Variants in CYB5R3 observed in about 807,000 individuals in gnomAD.
CYB5R3 encodes cytochrome b5 reductase 3.
Under a neutral mutation model 36.5 loss-of-function variants are expected in CYB5R3, and 28 were observed. That is an observed-to-expected ratio of 0.77 (90% CI 0.57 to 1.05). CYB5R3 has a LOEUF of 1.05. Among genes scored for constraint, CYB5R3 ranks in the 50% least tolerant of loss-of-function variants. The pLI is 0.00. For synonymous variants in CYB5R3, 181 were observed against 159.8 expected, an observed-to-expected ratio of 1.13 and a Z score of -1.00; for missense variants, 474 against 408.9, an observed-to-expected ratio of 1.16 and a Z score of -1.37.
In CYB5R3 at chr22:42,627,379, C is replaced by G; in HGVS notation, c.558G>C (p.Pro186=). 1 of 1,613,704 alleles carries G rather than the reference C, an allele frequency of 6.2e-7. No homozygotes were observed. Among genetic ancestry groups the G allele is most frequent in the Non-Finnish European group, 8.5e-7 (1 of 1,179,922 alleles). The change falls in exon 7 of 9, where the codon CCG becomes CCC. Residue 186 remains proline (P), a synonymous_variant. Coordinates refer to ENST00000352397, the MANE Select transcript of CYB5R3 (RefSeq NM_000398.7). The part of the protein sequence containing the change: ...GMIAGGTGIT[P]MLQVIRAIMK... ...TGATGGCGCGGATCACCTGCAGCAT[C>G]GGGGTGATGCCTGCAAAATAGCCGG...
intron 8 of CYB5R3, among the ~76,000 whole-genome samples, chr22:42,621,183 AGTGTGTGTGT>A (rs61564405): frequency 0.04 from 5,861 of 147,812 alleles, 112 homozygotes; most frequent in Non-Finnish European, 0.05. Context: ...ATTTCTTTTT[AGTGTGTGTGT>A]GTGTGTGTGT....
intron 3 of CYB5R3, 135 bp from the exon 4 acceptor site, chr22:42,631,123 ACCCC>A: frequency 1.2e-6 from 1 of 868,630 alleles, no homozygotes; most frequent in South Asian, 1.5e-5. Context: ...GCCCCCTCCC[ACCCC>A]TCCCGGGGAT....
At position 42,619,476 on chromosome 22, in the gene CYB5R3, A is replaced by C; in HGVS notation, c.*297T>G. ...GGCTGCTGGCAGCCCTCAGCCTTAT[A>C]GTGTGTGTGGGGGGTGGACGAGGGG... On this transcript the variant is annotated 3_prime_UTR_variant, in exon 9 of 9. Coordinates refer to ENST00000352397, the MANE Select transcript of CYB5R3 (RefSeq NM_000398.7). 1 of 465,040 alleles carries C rather than the reference A, an allele frequency of 2.2e-6. No homozygotes were observed. The allele number at this position is 465,040 out of a possible 1,614,324, so 28.8% of individuals were successfully genotyped here.
At chr22:42,646,520 A>C (rs1419074404) in intron 1 of CYB5R3, 3 of 378,146 alleles carry the variant, frequency 7.9e-6, no homozygotes, top group Non-Finnish European at 1.1e-5. Context: ...CACTCTGCCC[A>C]GGCCAGGTTA....
chr22:42,619,757 TG>T lies in CYB5R3; in HGVS notation c.*15del. 4 of 1,559,584 alleles carry T rather than the reference TG, an allele frequency of 2.6e-6. No homozygotes were observed. The highest frequency in any genetic ancestry group is 1.7e-6 in the Non-Finnish European group (2 of 1,155,806). On this transcript the variant is annotated 3_prime_UTR_variant, in exon 9 of 9. Coordinates refer to ENST00000352397, the MANE Select transcript of CYB5R3 (RefSeq NM_000398.7). ...GGGGTGCGCGGGGCGGGTGGCCGTG[TG>T]ACCGTGCCCGGCCCTCAGAAGACGA... is the stretch of plus-strand genomic sequence containing the variant.
intron 8 of CYB5R3, among the ~76,000 whole-genome samples, chr22:42,623,415 C>T (rs1928088355): frequency 6.6e-6 from 1 of 152,118 alleles, no homozygotes; most frequent in Non-Finnish European, 1.5e-5. Flanking sequence ...TCGGCAGCAC[C>T]TGAGAGTATG....
intron 1 of CYB5R3, chr22:42,646,955 G>A (rs2146915626): frequency 1.0e-6 from 1 of 985,564 alleles, no homozygotes; most frequent in African/African-American, 1.7e-5. Flanking sequence ...AGTTCAGGAT[G>A]GCAGACCAAG....
At chr22:42,623,657 A>G (rs1230791724) in intron 8 of CYB5R3, 132 bp downstream of exon 8, 17 of 738,038 alleles carry the variant, frequency 2.3e-5, no homozygotes, top group Non-Finnish European at 3.5e-5. Context: ...ACGGGGCCAC[A>G]CCACCTGCCT....
rs908208949 is a variant in CYB5R3, at chr22:42,627,655, T to C, written c.497A>G (p.Asn166Ser). The C allele has an allele frequency of 2.0e-5, 33 of 1,614,054 alleles. No homozygotes were observed. Among genetic ancestry groups the C allele is most frequent in the Middle Eastern group, 3.3e-4 (2 of 6,062 alleles). Residue 166 changes from asparagine (N) to serine (S), a missense_variant, in exon 6 of 9, where the codon AAC becomes AGC. Coordinates refer to ENST00000352397, the MANE Select transcript of CYB5R3 (RefSeq NM_000398.7). ...AGACTTCACTGTCCTGATGATAGGGTTGGACTTTTTGTCAGGTCGGATGGC... is the reference window on the plus strand; with the variant it reads ...AGACTTCACTGTCCTGATGATAGGGCTGGACTTTTTGTCAGGTCGGATGGC... ...KFAIRPDKKS[N>S]PIIRTVKSVG...
chr22:42,634,600 C>T (rs867778115), intron 2 of CYB5R3, among the ~76,000 whole-genome samples: 9 of 151,344 alleles, frequency 5.9e-5, no homozygotes, highest in Middle Eastern at 3.4e-3. Context: ...GCATCTGCCA[C>T]CACGCCCGGC....
At chr22:42,647,700 CAG>C (rs1331616862) in intron 1 of CYB5R3, among the ~76,000 whole-genome samples, 2 of 149,242 alleles carry the variant, frequency 1.3e-5, no homozygotes, top group Admixed American at 1.4e-4. Flanking sequence ...ACCTGGGTGA[CAG>C]AGAGAGACTC....
At chr22:42,641,363 G>A (rs1380424722) in intron 1 of CYB5R3, among the ~76,000 whole-genome samples, 1 of 151,494 alleles carries the variant, frequency 6.6e-6, no homozygotes, top group Non-Finnish European at 1.5e-5. Context: ...CTGGAATGCA[G>A]TGGCGCGATC....
chr22:42,630,748 A>C, intron 4 of CYB5R3, 134 bp downstream of exon 4: 1 of 756,610 alleles, frequency 1.3e-6, no homozygotes, highest in Non-Finnish European at 2.3e-6. Context: ...CCCCTGAGGA[A>C]GTGGGGCAGC....
In CYB5R3 at chr22:42,636,832, C is replaced by T. The variant is rs374918244; in HGVS notation, c.36G>A (p.Val12=). The T allele has an allele frequency of 1.9e-6, 3 of 1,613,652 alleles. No individual in the cohort carries two copies. Among genetic ancestry groups the T allele is most frequent in the African/African-American group, 1.3e-5 (1 of 75,052 alleles). The change falls in exon 2 of 9, where the codon GTG becomes GTA. Residue 12 remains valine, a synonymous_variant. Coordinates refer to ENST00000352397, the MANE Select transcript of CYB5R3 (RefSeq NM_000398.7). ...GAQLSTLGHM[V]LFPVWFLYSL... ...TGTACAGGAACCAGACTGGGAAGAG[C>T]ACCATATGGCCCAACTGAAACGACA...
chr22:42,628,300 G>A lies in CYB5R3; in HGVS notation c.334-19C>T. Reference sequence around the variant, plus strand: ...AGTAAACCTGCAAGACACCCCCGCAGCCCTCAGTCCCCAGCTCCAGGTCTC... The same window carrying A: ...AGTAAACCTGCAAGACACCCCCGCAACCCTCAGTCCCCAGCTCCAGGTCTC... On this transcript the variant is annotated intron_variant, in intron 4 of 8. Transcript: ENST00000352397. The A allele has an allele frequency of 2.5e-6, 4 of 1,612,910 alleles. No homozygotes were observed. Among genetic ancestry groups the A allele is most frequent in the African/African-American group, 1.3e-5 (1 of 74,992 alleles).
chr22:42,631,117 C>G, intron 3 of CYB5R3, 129 bp from the exon 4 acceptor site: 1 of 887,722 alleles, frequency 1.1e-6, no homozygotes, highest in South Asian at 1.4e-5. Flanking sequence ...CCCACGGCCC[C>G]CTCCCACCCC....
chr22:42,618,292 C>G lies in CYB5R3; in HGVS notation c.*1481G>C, dbSNP rs1187726097. 3 of 152,066 alleles carry G rather than the reference C, an allele frequency of 2.0e-5. No individual in the cohort carries two copies. Among genetic ancestry groups the G allele is most frequent in the Admixed American group, 1.3e-4 (2 of 15,278 alleles). The allele number at this position is 152,066 out of a possible 1,614,324, so 9.4% of individuals were successfully genotyped here. On this transcript the variant is annotated 3_prime_UTR_variant, in exon 9 of 9. Coordinates refer to ENST00000352397, the MANE Select transcript of CYB5R3 (RefSeq NM_000398.7). ...GTGGCTCACGCCTGTAATCCCAGCA[C>G]TTTGGGAGGCCGAGGCGGGCGGATC... is the stretch of plus-strand genomic sequence containing the variant.
Position 42,619,849 on chromosome 22 carries a change from G to C in CYB5R3, c.830C>G (p.Pro277Arg). 1.9e-6 allele frequency: 3 copies of C among 1,605,280 alleles called. No homozygotes were observed. The highest frequency in any genetic ancestry group is 2.5e-6 in the Non-Finnish European group (3 of 1,176,856). The change falls in exon 9 of 9, where the codon CCA (proline) becomes CGA (arginine). Residue 277 changes from proline (P) to arginine (R), a missense_variant. Transcript: ENST00000352397. Reference sequence around the variant, plus strand: ...AAGGCAGGCGTACTGGATCATGGGTGGGGGGCCACACATCAGCACCAGCGG... The same window carrying C: ...AAGGCAGGCGTACTGGATCATGGGTCGGGGGCCACACATCAGCACCAGCGG... Reference protein sequence around the residue: ...EEPLVLMCGPPPMIQYACLPN... With the variant: ...EEPLVLMCGPRPMIQYACLPN...
chr22:42,626,829 G>A (rs917916290), intron 7 of CYB5R3, among the ~76,000 whole-genome samples: 1 of 83,404 alleles, frequency 1.2e-5, no homozygotes, highest in Non-Finnish European at 2.1e-5. Context: ...GCAGGCCAGG[G>A]CGGGCAGGCA....
Sources: allele counts gnomAD v4.1 joint callset (sites outside exome capture counted in the v4.1 genomes callset), GRCh38; gene constraint gnomAD v4.1.1; transcripts MANE v1.5; gene names NCBI Gene and HGNC (gene_info 2026-07-23, HGNC 2026-07-21).